Variants in AFAP1L2 observed in about 807,000 individuals in gnomAD.
AFAP1L2 encodes actin filament-associated protein 1-like 2.
In AFAP1L2, 46 loss-of-function variants were observed where a neutral mutation model predicts 99.3. The ratio of observed to expected loss-of-function variants is 0.46; its 90% CI spans 0.37 to 0.59. AFAP1L2 has a LOEUF of 0.59. Ranked by LOEUF, AFAP1L2 falls within the 20% of genes least tolerant of loss-of-function variation. AFAP1L2 has a pLI of 0.00. For synonymous variants in AFAP1L2, 397 were observed against 419.1 expected, an observed-to-expected ratio of 0.95 and a Z score of 0.64; for missense variants, 959 against 1,034.9, an observed-to-expected ratio of 0.93 and a Z score of 1.01.
At chr10:114,405,063 C>T (rs1453116757), upstream of AFAP1L2, among the ~76,000 whole-genome samples, 1 of 152,210 alleles carries the variant, frequency 6.6e-6, no homozygotes, top group Admixed American at 6.5e-5. Flanking sequence ...GGATTGCTCC[C>T]ACTCTCTTGG....
rs1261154683 is a variant in AFAP1L2, at chr10:114,394,093, C to A, written c.16+10347G>T. Among the ~76,000 whole-genome samples the A allele has an allele frequency of 3.3e-5, 5 of 152,140 alleles. No homozygotes were observed. In the East Asian group the frequency reaches 9.7e-4, roughly 29 times the overall value. ...GACCCACAGAAAGAGAGTACGTGTG[C>A]CCTTTCCTGGGACCCTAATCACCGT... On this transcript the variant is annotated intron_variant, in intron 1 of 18. Transcript: ENST00000304129.
chr10:114,404,256 C>T (rs1437617196), intron 1 of AFAP1L2, among the ~76,000 whole-genome samples, 184 bp downstream of exon 1: 1 of 152,196 alleles, frequency 6.6e-6, no homozygotes, highest in Non-Finnish European at 1.5e-5. Context: ...CAGCAGCCAC[C>T]TAGGAGCCCA....
At chr10:114,394,147 C>A (rs746295161) in intron 1 of AFAP1L2, among the ~76,000 whole-genome samples, 3 of 152,100 alleles carry the variant, frequency 2.0e-5, no homozygotes, top group Non-Finnish European at 2.9e-5. Context: ...GCCGGGGGGA[C>A]GACCGGCAAA....
chr10:114,403,776 T>C (rs2058451062), intron 1 of AFAP1L2, among the ~76,000 whole-genome samples: 1 of 152,166 alleles, frequency 6.6e-6, no homozygotes, highest in African/African-American at 2.4e-5. Flanking sequence ...AGCTGCGCAC[T>C]GAGCTAAGCC....
At chr10:114,296,463 A>G (rs2040248029) in intron 18 of AFAP1L2, 2 of 227,980 alleles carry the variant, frequency 8.8e-6, no homozygotes, top group African/African-American at 2.3e-5. Context: ...GTAAATGAGT[A>G]AATGATTAAT....
chr10:114,378,234 C>T (rs2055068229), intron 1 of AFAP1L2, among the ~76,000 whole-genome samples: 2 of 152,212 alleles, frequency 1.3e-5, no homozygotes, highest in Admixed American at 1.3e-4. Flanking sequence ...TAAGCATTAG[C>T]TCTGTATTGA....
chr10:114,369,257 G>A (rs1036749436), intron 1 of AFAP1L2, among the ~76,000 whole-genome samples: 11 of 152,234 alleles, frequency 7.2e-5, no homozygotes, highest in Admixed American at 3.9e-4. Context: ...AGGAGTTCAA[G>A]ATCAGCCCTG....
intron 1 of AFAP1L2, among the ~76,000 whole-genome samples, chr10:114,396,814 C>G (rs2057766150): frequency 6.6e-6 from 1 of 152,192 alleles, no homozygotes; most frequent in African/African-American, 2.4e-5. Flanking sequence ...AGGGGAGCTG[C>G]TTTTGCCTTT....
chr10:114,340,433 G>C lies in AFAP1L2; in HGVS notation c.145+170C>G, dbSNP rs576710518. ...CGCCAGGGAGAGAGGCCTCAGAAGG[G>C]ACCAAACCTATTGATACCTTGATGT... On this transcript the variant is annotated intron_variant, in intron 2 of 18. Coordinates refer to ENST00000304129, the MANE Select transcript of AFAP1L2 (RefSeq NM_001001936.3). 9.2e-5 allele frequency among the ~76,000 whole-genome samples: 14 copies of C among 152,224 alleles called. 1 individual carries two copies. In the South Asian group the frequency reaches 2.9e-3, roughly 32 times the overall value.
chr10:114,349,555 GA>G (rs200302338), intron 1 of AFAP1L2, among the ~76,000 whole-genome samples: 14,497 of 123,632 alleles, frequency 0.12, 1,015 homozygotes, highest in East Asian at 0.26. Context: ...TTGTCGCTTG[GA>G]AAAAAAAAAA....
chr10:114,302,589 C>T (rs555999527), intron 11 of AFAP1L2, 105 bp from the exon 12 acceptor site: 25 of 1,440,814 alleles, frequency 1.7e-5, no homozygotes, highest in East Asian at 4.6e-5. Context: ...AGCCTGCCCA[C>T]GAAAGCCTCT....
chr10:114,309,505 G>A (rs2042898067), intron 8 of AFAP1L2, among the ~76,000 whole-genome samples: 2 of 152,148 alleles, frequency 1.3e-5, no homozygotes, highest in South Asian at 2.1e-4. Flanking sequence ...GTGTGCCCAC[G>A]CTTCAGGACA....
At chr10:114,336,462 G>C (rs987662925) in intron 2 of AFAP1L2, among the ~76,000 whole-genome samples, 3 of 152,216 alleles carry the variant, frequency 2.0e-5, no homozygotes. Context: ...TCCGGCAGGA[G>C]AGACATACCT....
intron 1 of AFAP1L2, among the ~76,000 whole-genome samples, chr10:114,361,607 T>C (rs187572753): frequency 6.6e-6 from 1 of 152,284 alleles, no homozygotes; most frequent in African/African-American, 2.4e-5. Flanking sequence ...GTTTGCAAAG[T>C]GATGGAAACA....
At chr10:114,332,688 G>GT (rs1488752690) in intron 3 of AFAP1L2, among the ~76,000 whole-genome samples, 3 of 152,222 alleles carry the variant, frequency 2.0e-5, no homozygotes, top group African/African-American at 7.2e-5. Context: ...CTCCCTGGAG[G>GT]TTTTAAGGGA....
At chr10:114,367,334 T>C (rs557716567) in intron 1 of AFAP1L2, among the ~76,000 whole-genome samples, 2 of 152,318 alleles carry the variant, frequency 1.3e-5, no homozygotes, top group South Asian at 4.1e-4. Context: ...AGCTTCATGT[T>C]CTCTGAGAAC....
chr10:114,282,377 C>G, the AFAP1L2 span: 2 of 693,566 alleles, frequency 2.9e-6, no homozygotes, highest in African/African-American at 1.8e-5. Context: ...AGGGTAGAAT[C>G]AAGAAACAAA....
At chr10:114,329,220 G>T (rs1234776828) in intron 4 of AFAP1L2, among the ~76,000 whole-genome samples, 1 of 152,086 alleles carries the variant, frequency 6.6e-6, no homozygotes, top group South Asian at 2.1e-4. Flanking sequence ...TTCAGAGGGG[G>T]CCACGCTCCC....
At position 114,315,761 on chromosome 10, in the gene AFAP1L2, G is replaced by T; in HGVS notation, c.411C>A (p.Asp137Glu). Residue 137 changes from aspartate (D) to glutamate (E), a missense_variant, in exon 6 of 19, where the codon GAC becomes GAA. Asp to Glu is a conservative substitution (Grantham distance 45). Around this residue, in one of 2 missense-constraint regions of AFAP1L2, gnomAD observed 383 missense variants for 472.8 expected, o/e 0.81. Transcript: ENST00000304129. ...AEPYDTSLNE[D>E]GEAVSSSYES... is the part of the protein sequence containing the mutation. ...CGTAGGAGCTGCTCACAGCCTCTCC[G>T]TCCTCTGCAAGGAAGACCAGCTCGG... 6.2e-7 allele frequency: 1 copy of T among 1,610,828 alleles called. No homozygotes were observed. Among genetic ancestry groups the T allele is most frequent in the Non-Finnish European group, 8.5e-7 (1 of 1,178,982 alleles).
Sources: gnomAD v4.1 joint callset for allele counts (sites outside exome capture counted in the v4.1 genomes callset) on GRCh38, gnomAD v4.1.1 for gene constraint, gnomAD v4.1.1 regional missense constraint, MANE v1.5 for transcripts, NCBI Gene and HGNC (gene_info 2026-07-23, HGNC 2026-07-21) for gene names.